The following KCNT1 variants were observed in gnomAD, a reference collection of about 807,000 sequenced individuals.
KCNT1 encodes potassium sodium-activated channel subfamily T member 1.
KCNT1 carries 78 observed loss-of-function variants against 147.8 expected under a neutral mutation model. That is an observed-to-expected ratio of 0.53 (90% CI 0.44 to 0.64). KCNT1 has a LOEUF of 0.64. Ranked by LOEUF, KCNT1 falls within the 30% of genes least tolerant of loss-of-function variation. The pLI, the probability that KCNT1 is intolerant of heterozygous loss-of-function variation, is 0.00. For missense variants in KCNT1, 1,419 were observed against 1,750.3 expected, an observed-to-expected ratio of 0.81 and a Z score of 3.38; for synonymous variants, 867 against 748.8, an observed-to-expected ratio of 1.16 and a Z score of -2.58.
intron 2 of KCNT1, among the ~76,000 whole-genome samples, chr9:135,716,901 G>A (rs10858154): frequency 0.21 from 32,592 of 152,174 alleles, 3,838 homozygotes; most frequent in South Asian, 0.28. Flanking sequence ...CTGTGTGGTC[G>A]CCATACCTGT....
At chr9:135,767,393 C>T (rs950441958) in intron 13 of KCNT1, among the ~76,000 whole-genome samples, 1 of 151,664 alleles carries the variant, frequency 6.6e-6, no homozygotes, top group Non-Finnish European at 1.5e-5. Context: ...GGGTTCCCTG[C>T]CCTGGGGCAG....
At chr9:135,760,504 G>T (rs975219984) in intron 11 of KCNT1, among the ~76,000 whole-genome samples, 9 of 152,310 alleles carry the variant, frequency 5.9e-5, no homozygotes, top group East Asian at 5.8e-4. Flanking sequence ...CCAGGAGGCT[G>T]GGTAGGAGGA....
At chr9:135,751,774 G>A (rs1831189342) in intron 4 of KCNT1, among the ~76,000 whole-genome samples, 1 of 152,198 alleles carries the variant, frequency 6.6e-6, no homozygotes, top group Non-Finnish European at 1.5e-5. Context: ...CCTGAGTCAT[G>A]TCTTTGGGGA....
intron 2 of KCNT1, among the ~76,000 whole-genome samples, chr9:135,743,078 C>T (rs889650610): frequency 2.0e-5 from 3 of 152,242 alleles, no homozygotes; most frequent in Non-Finnish European, 4.4e-5. Flanking sequence ...TCAGGAGAGG[C>T]GGATGGCAGA....
At position 135,770,463 on chromosome 9, in the gene KCNT1, A is replaced by G. The variant is rs10776844; in HGVS notation, c.1769+16A>G. The G allele has an allele frequency of 0.71, 1,141,010 of 1,600,964 alleles. 407,736 individuals carry two copies. The highest frequency in any genetic ancestry group is 0.78 in the South Asian group (69,390 of 88,572). On this transcript the variant is annotated intron_variant, in intron 17 of 30. Coordinates refer to ENST00000371757, the MANE Select transcript of KCNT1 (RefSeq NM_020822.3). ...CCCACAAGAAGTAAGGCCGGGCTGC[A>G]TCCACAGGGCTGGCGCTCCAGGGCT...
At chr9:135,788,107 A>G (rs547356973) in intron 29 of KCNT1, 36 of 1,610,228 alleles carry the variant, frequency 2.2e-5, no homozygotes, top group Non-Finnish European at 2.9e-5. Context: ...TAGAGGACGT[A>G]GCAAATTTAA....
chr9:135,781,813 C>G (rs942430758), intron 24 of KCNT1, among the ~76,000 whole-genome samples: 4 of 152,106 alleles, frequency 2.6e-5, no homozygotes, highest in African/African-American at 9.7e-5. Context: ...CCAGGTGCAG[C>G]GGCTCATGCC....
chr9:135,769,153 G>GT (rs1832557937), intron 15 of KCNT1, among the ~76,000 whole-genome samples: 1 of 104,654 alleles, frequency 9.6e-6, no homozygotes, highest in Non-Finnish European at 2.2e-5. Context: ...ATGTGCACAC[G>GT]TGGGTGACGG....
Position 135,771,101 on chromosome 9 carries a change from C to T in KCNT1, c.2008+6C>T. 1 of 1,605,960 alleles carries T rather than the reference C, an allele frequency of 6.2e-7. No homozygotes were observed. Among genetic ancestry groups the T allele is most frequent in the Non-Finnish European group, 8.5e-7 (1 of 1,175,630 alleles). ...CAGCATCATCGCCTCCATGGGTGAG[C>T]CGGGACAGGCGCGCGGGACTCCCTG... On this transcript the variant is annotated splice_donor_region_variant and intron_variant, in intron 18 of 30. Coordinates refer to ENST00000371757, the MANE Select transcript of KCNT1 (RefSeq NM_020822.3).
chr9:135,723,685 C>T (rs763938402), intron 2 of KCNT1, among the ~76,000 whole-genome samples: 27 of 152,324 alleles, frequency 1.8e-4, no homozygotes, highest in Non-Finnish European at 2.6e-4. Flanking sequence ...GGTGGGTGTC[C>T]GGAGCATCTA....
intron 25 of KCNT1, 43 bp from the exon 26 acceptor site, chr9:135,784,492 T>TCCCCCCCCCCCC: frequency 7.2e-6 from 1 of 138,322 alleles, no homozygotes; most frequent in Non-Finnish European, 1.3e-5. Context: ...GCTCCCTCCC[T>TCCCCCCCCCCCC]CCCTCCCTCC....
At chr9:135,758,183 GCA>G (rs1564353611) in intron 9 of KCNT1, among the ~76,000 whole-genome samples, 115 of 71,690 alleles carry the variant, frequency 1.6e-3, no homozygotes, top group East Asian at 3.3e-3. Context: ...GTGGCCAGGT[GCA>G]GGCTGCCCCG....
chr9:135,763,442 G>C (rs1832046676), intron 11 of KCNT1, among the ~76,000 whole-genome samples: 1 of 152,210 alleles, frequency 6.6e-6, no homozygotes, highest in South Asian at 2.1e-4. Context: ...CAGGCTCTTC[G>C]ATCAGCAAGA....
Position 135,778,731 on chromosome 9 carries a change from C to CTGG in KCNT1, c.2648_2650dup (p.Val883dup). The CTGG allele has an allele frequency of 6.2e-7, 1 of 1,613,924 alleles. No homozygotes were observed. Among genetic ancestry groups the CTGG allele is most frequent in the Non-Finnish European group, 8.5e-7 (1 of 1,179,934 alleles). ...GTGTGGCATCATCTATGCGGACAAC[C>CTGG]TGGTGGTGGTGGACAAGGAGAGCAC... is the stretch of plus-strand genomic sequence containing the variant. On this transcript the variant is annotated inframe_insertion, in exon 23 of 31. Transcript: ENST00000371757.
At chr9:135,746,712 G>T (rs1054143493) in intron 2 of KCNT1, among the ~76,000 whole-genome samples, 3 of 152,196 alleles carry the variant, frequency 2.0e-5, no homozygotes, top group African/African-American at 7.2e-5. Context: ...GAGGGTTGGG[G>T]GCGTGGCCGG....
At chr9:135,704,975 A>C (rs1835190914) in intron 1 of KCNT1, among the ~76,000 whole-genome samples, 1 of 152,132 alleles carries the variant, frequency 6.6e-6, no homozygotes. Flanking sequence ...GTGAGAAGGG[A>C]GCAGACAGGG....
At chr9:135,748,864 G>A (rs1215301706) in intron 2 of KCNT1, among the ~76,000 whole-genome samples, 2 of 152,224 alleles carry the variant, frequency 1.3e-5, no homozygotes, top group African/African-American at 2.4e-5. Context: ...TGACCCCAGG[G>A]AGCAAGGCCA....
At chr9:135,777,167 G>C (rs1833228245) in intron 20 of KCNT1, among the ~76,000 whole-genome samples, 171 bp from the exon 21 acceptor site, 1 of 152,064 alleles carries the variant, frequency 6.6e-6, no homozygotes, top group Non-Finnish European at 1.5e-5. Context: ...GTGGCATCTG[G>C]TGGTGCCTGT....
At position 135,704,907 on chromosome 9, in the gene KCNT1, CAG is replaced by C. The variant is rs563577915; in HGVS notation, c.110+2540_110+2541del. On this transcript the variant is annotated intron_variant, in intron 1 of 30. Transcript: ENST00000371757. ...GGGACGGCTCAGGCCACAGGGAACT[CAG>C]GGGTCTGCTGTGGCCCAGGAGTGGC... is the stretch of plus-strand genomic sequence containing the variant. Among the ~76,000 whole-genome samples the C allele has an allele frequency of 1.3e-3, 204 of 152,344 alleles. 1 individual carries two copies. The highest frequency in any genetic ancestry group is 4.3e-3 in the African/African-American group (178 of 41,582).
Sources: gnomAD v4.1 joint callset for allele counts (sites outside exome capture counted in the v4.1 genomes callset) on GRCh38, gnomAD v4.1.1 for gene constraint, MANE v1.5 for transcripts, NCBI Gene and HGNC (gene_info 2026-07-23, HGNC 2026-07-21) for gene names.